Variants in NR6A1 observed in about 807,000 individuals in gnomAD.
NR6A1 encodes the protein nuclear receptor subfamily 6 group A member 1.
In NR6A1, 7 loss-of-function variants were observed where a neutral mutation model predicts 59.1. That is an observed-to-expected ratio of 0.12 (90% CI 0.07 to 0.22). The LOEUF (loss-of-function observed/expected upper bound fraction) is 0.22, where lower values mean the gene tolerates loss of function less well. Ranked by LOEUF, NR6A1 falls within the 10% of genes least tolerant of loss-of-function variation. NR6A1 has a pLI of 1.00. For synonymous variants in NR6A1, 243 were observed against 236.1 expected, an observed-to-expected ratio of 1.03 and a Z score of -0.27; for missense variants, 468 against 611.6, an observed-to-expected ratio of 0.77 and a Z score of 2.48.
At position 124,538,083 on chromosome 9, in the gene NR6A1, C is replaced by A. The variant is rs762609182; in HGVS notation, c.824+9G>T. 6.3e-7 allele frequency: 1 copy of A among 1,595,232 alleles called. No homozygotes were observed. Among genetic ancestry groups the A allele is most frequent in the East Asian group, 2.2e-5 (1 of 44,814 alleles). The stretch of plus-strand genomic sequence containing the variant: ...CTGCAAGGGGCCAAGAAGGGCGGAG[C>A]TCACTCACCCATCTTCAATCAACAT... On this transcript the variant is annotated intron_variant, in intron 6 of 9. Transcript: ENST00000487099.
At chr9:124,754,390 T>C (rs554160172) in intron 1 of NR6A1, among the ~76,000 whole-genome samples, 1 of 152,358 alleles carries the variant, frequency 6.6e-6, no homozygotes, top group South Asian at 2.1e-4. Flanking sequence ...TTCATATTGA[T>C]GAGACAGTTA....
At chr9:124,557,626 T>C (rs1833966758) in intron 2 of NR6A1, among the ~76,000 whole-genome samples, 1 of 152,072 alleles carries the variant, frequency 6.6e-6, no homozygotes, top group Non-Finnish European at 1.5e-5. Context: ...AAAGTTACAA[T>C]AGCAAATTTT....
At chr9:124,621,754 T>C (rs1836084052) in intron 2 of NR6A1, among the ~76,000 whole-genome samples, 1 of 152,176 alleles carries the variant, frequency 6.6e-6, no homozygotes, top group South Asian at 2.1e-4. Flanking sequence ...TAAATGAATC[T>C]AGCATTTCAT....
At chr9:124,580,630 G>A (rs1050950528) in intron 2 of NR6A1, among the ~76,000 whole-genome samples, 4 of 152,104 alleles carry the variant, frequency 2.6e-5, no homozygotes, top group African/African-American at 9.7e-5. Context: ...GACCAGCTTG[G>A]TCAACATGGT....
chr9:124,758,561 A>G (rs1339129806), intron 1 of NR6A1, among the ~76,000 whole-genome samples: 1 of 152,216 alleles, frequency 6.6e-6, no homozygotes, highest in Non-Finnish European at 1.5e-5. Context: ...ATAAATGAAA[A>G]AAGTGATCTT....
intron 2 of NR6A1, among the ~76,000 whole-genome samples, chr9:124,640,130 T>C (rs999977388): frequency 1.3e-5 from 2 of 152,196 alleles, no homozygotes; most frequent in African/African-American, 4.8e-5. Flanking sequence ...GAACACACTT[T>C]GAAAACAATT....
chr9:124,549,198 C>T (rs991829212), intron 3 of NR6A1, among the ~76,000 whole-genome samples: 2 of 151,304 alleles, frequency 1.3e-5, no homozygotes, highest in Non-Finnish European at 2.9e-5. Flanking sequence ...CAAATAAACG[C>T]TGAACCTTGA....
chr9:124,623,592 G>A lies in NR6A1; in HGVS notation c.143-69022C>T, dbSNP rs138521063. On this transcript the variant is annotated intron_variant, in intron 2 of 9. Coordinates refer to ENST00000487099, the MANE Select transcript of NR6A1 (RefSeq NM_033334.4). Reference sequence around the variant, plus strand: ...TCCCAGGCTGGTCTTCTGGGCTCGTGTGATGCTCCTACCTAGGCCTCCCAA... The same window carrying A: ...TCCCAGGCTGGTCTTCTGGGCTCGTATGATGCTCCTACCTAGGCCTCCCAA... 5.4e-3 allele frequency among the ~76,000 whole-genome samples: 821 copies of A among 150,998 alleles called. 7 individuals are homozygous for A. The highest frequency in any genetic ancestry group is 0.019 in the African/African-American group (779 of 41,022).
At chr9:124,563,256 C>T (rs1341556864) in intron 2 of NR6A1, among the ~76,000 whole-genome samples, 2 of 151,912 alleles carry the variant, frequency 1.3e-5, no homozygotes, top group Non-Finnish European at 2.9e-5. Flanking sequence ...TCATATGTAC[C>T]GAGAAAGGGT....
intron 1 of NR6A1, among the ~76,000 whole-genome samples, chr9:124,737,442 C>G (rs1840046917): frequency 6.6e-6 from 1 of 152,200 alleles, no homozygotes; most frequent in Non-Finnish European, 1.5e-5. Context: ...TCTCAGCAAC[C>G]ACATCTAGCT....
At chr9:124,537,962 C>A (rs1488062088) in intron 6 of NR6A1, 130 bp downstream of exon 6, 4 of 671,756 alleles carry the variant, frequency 6.0e-6, no homozygotes, top group African/African-American at 3.6e-5. Flanking sequence ...CAGATTTGTC[C>A]CCTGACACTT....
chr9:124,755,669 C>A (rs1840615052), intron 1 of NR6A1, among the ~76,000 whole-genome samples: 1 of 152,162 alleles, frequency 6.6e-6, no homozygotes, highest in Non-Finnish European at 1.5e-5. Context: ...CGAATATATT[C>A]TACCCTTTTG....
intron 2 of NR6A1, among the ~76,000 whole-genome samples, chr9:124,603,567 C>T (rs1185905218): frequency 1.3e-5 from 2 of 152,116 alleles, no homozygotes; most frequent in Non-Finnish European, 2.9e-5. Context: ...TTGCTGGGTT[C>T]CTGCATCAGT....
intron 2 of NR6A1, among the ~76,000 whole-genome samples, chr9:124,654,911 C>CACACACA (rs1254335905): frequency 2.0e-5 from 3 of 149,938 alleles, no homozygotes; most frequent in Non-Finnish European, 4.4e-5. Flanking sequence ...CACACACACA[C>CACACACA]ACCTGCCAAA....
intron 1 of NR6A1, among the ~76,000 whole-genome samples, chr9:124,768,892 G>C (rs1697775457): frequency 6.6e-6 from 1 of 152,070 alleles, no homozygotes; most frequent in Non-Finnish European, 1.5e-5. Context: ...GCACAGGTGG[G>C]TACAGGAAGT....
At chr9:124,574,029 ATGTACTGACACTGGAATATT>A (rs1240693690) in intron 2 of NR6A1, among the ~76,000 whole-genome samples, 1 of 152,224 alleles carries the variant, frequency 6.6e-6, no homozygotes, top group Non-Finnish European at 1.5e-5. Context: ...ATATGTAAAT[ATGTACTGACACTGGAATATT>A]TGTACTGACA....
At chr9:124,587,669 C>A (rs1834974338) in intron 2 of NR6A1, among the ~76,000 whole-genome samples, 1 of 152,186 alleles carries the variant, frequency 6.6e-6, no homozygotes, top group Non-Finnish European at 1.5e-5. Context: ...TTCTTATTTG[C>A]CCAGAAAGTG....
At chr9:124,630,018 A>C (rs759107108) in intron 2 of NR6A1, among the ~76,000 whole-genome samples, 4 of 152,196 alleles carry the variant, frequency 2.6e-5, no homozygotes, top group Non-Finnish European at 5.9e-5. Flanking sequence ...CACGTTGCCC[A>C]AATTTTTTCA....
chr9:124,525,186 C>T (rs1420385089), intron 8 of NR6A1, among the ~76,000 whole-genome samples: 1 of 151,938 alleles, frequency 6.6e-6, no homozygotes, highest in Non-Finnish European at 1.5e-5. Context: ...GACTGAATAA[C>T]CTACCTTTCC....
Sources: gnomAD v4.1 joint callset for allele counts (sites outside exome capture counted in the v4.1 genomes callset) on GRCh38, gnomAD v4.1.1 for gene constraint, MANE v1.5 for transcripts, NCBI Gene and HGNC (gene_info 2026-07-23, HGNC 2026-07-21) for gene names.